NEDD4L: variants seen among roughly 807,000 people sequenced by gnomAD.
The protein encoded by NEDD4L is NEDD4 like E3 ubiquitin protein ligase.
NEDD4L carries 54 observed loss-of-function variants against 148.9 expected under a neutral mutation model. The ratio of observed to expected loss-of-function variants is 0.36; its 90% confidence interval spans 0.29 to 0.45. The LOEUF (loss-of-function observed/expected upper bound fraction) is 0.45. Ranked by LOEUF, NEDD4L falls within the 20% of genes least tolerant of loss-of-function variation. The pLI, the probability that NEDD4L is intolerant of heterozygous loss-of-function variation, is 1.00. For missense variants in NEDD4L, 856 were observed against 1,233.8 expected (o/e 0.69, Z 4.59); for synonymous variants, 433 against 440.7 (o/e 0.98, Z 0.22).
chr18:58,156,146 T>C (rs2035465637), intron 1 of NEDD4L, among the ~76,000 whole-genome samples: 2 of 152,354 alleles, frequency 1.3e-5, no homozygotes, highest in South Asian at 4.1e-4. Context: ...CTTCTCTTCC[T>C]GTTTTTATAT....
chr18:58,329,591 G>A (rs890722791), intron 10 of NEDD4L, among the ~76,000 whole-genome samples: 4 of 151,696 alleles, frequency 2.6e-5, no homozygotes, highest in African/African-American at 9.7e-5. Context: ...TCCTGACCTC[G>A]AGATCCGCCT....
rs562183634 is a variant in NEDD4L, at chr18:58,188,790, T to C, written c.122+22929T>C. 2.3e-4 allele frequency among the ~76,000 whole-genome samples: 35 copies of C among 152,378 alleles called. No individual in the cohort carries two copies. In the East Asian group the frequency reaches 6.6e-3, roughly 29 times the overall value. On this transcript the variant is annotated intron_variant, in intron 2 of 30. Transcript: ENST00000400345. ...GAGAAGACTGTCTCTTCACAAGTAA[T>C]CTGTAGTTGTTAGTCTTGAAAGTGG...
At chr18:58,279,991 C>G (rs2052759326) in intron 5 of NEDD4L, among the ~76,000 whole-genome samples, 1 of 152,164 alleles carries the variant, frequency 6.6e-6, no homozygotes, top group Admixed American at 6.5e-5. Flanking sequence ...CCTTCCATCC[C>G]TGAAGCACAC....
intron 2 of NEDD4L, chr18:58,221,468 G>A (rs771084669): frequency 1.4e-5 from 11 of 789,176 alleles, no homozygotes; most frequent in African/African-American, 1.9e-5. Flanking sequence ...ATGGTAGGAG[G>A]TGGAGCTTGA....
chr18:58,064,000 T>G (rs550230004), intron 1 of NEDD4L, among the ~76,000 whole-genome samples: 4 of 137,346 alleles, frequency 2.9e-5, no homozygotes, highest in African/African-American at 1.1e-4. Context: ...AGTCTTGTTC[T>G]GTTGCCCAGG....
At chr18:58,129,398 A>G (rs2031682854) in intron 1 of NEDD4L, among the ~76,000 whole-genome samples, 1 of 152,264 alleles carries the variant, frequency 6.6e-6, no homozygotes, top group East Asian at 1.9e-4. Flanking sequence ...TTAGATAAAA[A>G]GAGAGGAAAC....
At chr18:58,364,169 G>A (rs559377414) in intron 19 of NEDD4L, 99 bp from the exon 20 acceptor site, 10 of 723,726 alleles carry the variant, frequency 1.4e-5, no homozygotes, top group African/African-American at 5.4e-5. Flanking sequence ...GAGAATTTAC[G>A]GTTTATGACT....
intron 5 of NEDD4L, among the ~76,000 whole-genome samples, chr18:58,252,541 G>A (rs1341300708): frequency 1.3e-5 from 2 of 152,120 alleles, no homozygotes; most frequent in African/African-American, 2.4e-5. Flanking sequence ...AAGTCAAGCC[G>A]TATTTTAAAA....
chr18:58,311,538 C>G (rs983000044), intron 5 of NEDD4L, among the ~76,000 whole-genome samples: 1 of 152,168 alleles, frequency 6.6e-6, no homozygotes, highest in Admixed American at 6.5e-5. Flanking sequence ...TCTGCACAGT[C>G]AGGTGCTCTC....
intron 2 of NEDD4L, among the ~76,000 whole-genome samples, chr18:58,168,096 C>T (rs1241546166): frequency 2.0e-5 from 3 of 152,138 alleles, no homozygotes; most frequent in East Asian, 1.9e-4. Context: ...AAGGAATATT[C>T]GTGATATTAA....
At chr18:58,302,437 C>T (rs2056601470) in intron 5 of NEDD4L, among the ~76,000 whole-genome samples, 1 of 152,146 alleles carries the variant, frequency 6.6e-6, no homozygotes, top group African/African-American at 2.4e-5. Context: ...ACTTTGTCCT[C>T]ACAGAATAGA....
intron 2 of NEDD4L, among the ~76,000 whole-genome samples, chr18:58,183,722 A>G (rs773426756): frequency 6.6e-6 from 1 of 152,168 alleles, no homozygotes; most frequent in Non-Finnish European, 1.5e-5. Context: ...TCAGTTACCC[A>G]AGTTTTTACT....
At chr18:58,111,392 A>G (rs914920251) in intron 1 of NEDD4L, among the ~76,000 whole-genome samples, 2 of 103,250 alleles carry the variant, frequency 1.9e-5, no homozygotes, top group African/African-American at 8.8e-5. Context: ...TATTACCCAT[A>G]AAAGGAAGCC....
chr18:58,215,308 T>G (rs1413461144), intron 2 of NEDD4L, among the ~76,000 whole-genome samples: 3 of 152,150 alleles, frequency 2.0e-5, no homozygotes, highest in Non-Finnish European at 4.4e-5. Context: ...ATTAACCCAT[T>G]TTATCAGTCT....
chr18:58,268,188 C>T (rs2050502410), intron 5 of NEDD4L, among the ~76,000 whole-genome samples: 1 of 152,038 alleles, frequency 6.6e-6, no homozygotes, highest in African/African-American at 2.4e-5. Context: ...CGACCAAAAA[C>T]AGGGTATGGT....
rs1034400717 is a variant in NEDD4L, at chr18:58,256,695, C to G, written c.297+4641C>G. On this transcript the variant is annotated intron_variant, in intron 5 of 30. Transcript: ENST00000400345. This position sits in a 1 kb window ranked among gnomAD's most constrained non-coding sequence, Gnocchi z 5.2. ...CAGCAGCATTTTAGAATTCTTGTAA[C>G]CCGGGGGCCGGAAGAAGCTCCCCAG... 1 of 1,232,178 alleles carries G rather than the reference C, an allele frequency of 8.1e-7. No homozygotes were observed. Among genetic ancestry groups the G allele is most frequent in the Non-Finnish European group, 1.0e-6 (1 of 988,036 alleles). The allele number at this position is 1,232,178 out of a possible 1,614,324, so 76.3% of individuals were successfully genotyped here. A position where few individuals can be genotyped will look rare whatever the true frequency, so the allele number is the denominator to read the frequency against.
chr18:58,142,276 T>C (rs2033634060), intron 1 of NEDD4L, among the ~76,000 whole-genome samples: 1 of 151,882 alleles, frequency 6.6e-6, no homozygotes. Flanking sequence ...TCTCGATCTT[T>C]TGACATCGTG....
rs2046839255 is a variant in NEDD4L at position 58,243,085 on chromosome 18, A to T, written c.123-2342A>T. On this transcript the variant is annotated intron_variant, in intron 2 of 30. Coordinates refer to ENST00000400345, the MANE Select transcript of NEDD4L (RefSeq NM_001144967.3). ...GATTATTGTGAGCTATTCAAGGGAT[A>T]CAGACTGAGGTAAATGAACCACCAG... Among the ~76,000 whole-genome samples, 3 of 152,238 alleles carry T rather than the reference A, an allele frequency of 2.0e-5. No homozygotes were observed. The South Asian group carries it at 6.2e-4, about 32-fold the overall frequency.
intron 16 of NEDD4L, among the ~76,000 whole-genome samples, chr18:58,343,467 C>A (rs2042683237): frequency 6.6e-6 from 1 of 152,196 alleles, no homozygotes; most frequent in African/African-American, 2.4e-5. Context: ...ATAATTTTTT[C>A]TTTTGTCAGT....
Sources: allele counts gnomAD v4.1 joint callset (sites outside exome capture counted in the v4.1 genomes callset), GRCh38; gene constraint gnomAD v4.1.1; non-coding constraint Gnocchi (gnomAD v3.1); transcripts MANE v1.5; gene names NCBI Gene and HGNC (gene_info 2026-07-23, HGNC 2026-07-21).